Variants in PDZD2 observed in about 807,000 individuals in gnomAD.
The protein encoded by PDZD2 is PDZ domain-containing protein 2.
PDZD2 carries 90 observed loss-of-function variants against 220.7 expected under a neutral mutation model. The observed-to-expected ratio is 0.41, with a 90% CI of 0.34 to 0.49. PDZD2 has a LOEUF of 0.49. PDZD2 is among the 20% of genes least tolerant of loss of function. The pLI is 0.28. For missense variants in PDZD2, 3,174 were observed against 3,608.5 expected (o/e 0.88, Z 3.08); for synonymous variants, 1,375 against 1,450.5 (o/e 0.95, Z 1.18).
intron 2 of PDZD2, among the ~76,000 whole-genome samples, chr5:31,970,605 G>A (rs1283543106): frequency 2.0e-5 from 3 of 151,802 alleles, no homozygotes; most frequent in Non-Finnish European, 2.9e-5. Context: ...GCAGTGAGCC[G>A]ATATCACGCC....
chr5:31,689,353 ATTTT>A (rs1160111594), intron 1 of PDZD2, among the ~76,000 whole-genome samples: 6 of 35,116 alleles, frequency 1.7e-4, no homozygotes, highest in South Asian at 2.1e-3. Context: ...ATATATATAT[ATTTT>A]TTTTTTTTTT....
At chr5:31,986,383 T>A (rs1027622749) in intron 3 of PDZD2, among the ~76,000 whole-genome samples, 1 of 152,158 alleles carries the variant, frequency 6.6e-6, no homozygotes, top group African/African-American at 2.4e-5. Flanking sequence ...CCACACATTT[T>A]CTCAGCCTCG....
At chr5:31,970,870 A>G (rs1362337295) in intron 2 of PDZD2, among the ~76,000 whole-genome samples, 2 of 152,282 alleles carry the variant, frequency 1.3e-5, no homozygotes, top group East Asian at 1.9e-4. Flanking sequence ...CACCATCAAC[A>G]TGCTGACACT....
Position 31,935,509 on chromosome 5 carries a change from G to A in PDZD2, c.477-47646G>A, listed in dbSNP as rs904196127. On this transcript the variant is annotated intron_variant, in intron 2 of 24. Coordinates refer to ENST00000438447, the MANE Select transcript of PDZD2 (RefSeq NM_178140.4). ...GTTTTGCTAGTACTTGTCTACAATG[G>A]AAGTTGGAAGCTTAGTCGGAGTAGA... is the stretch of plus-strand genomic sequence containing the variant. Among the ~76,000 whole-genome samples, 5 of 152,174 alleles carry A rather than the reference G, an allele frequency of 3.3e-5. No individual in the cohort carries two copies. In the East Asian group the frequency reaches 5.8e-4, roughly 18 times the overall value.
At chr5:31,953,522 A>C (rs923043233) in intron 2 of PDZD2, among the ~76,000 whole-genome samples, 4 of 152,182 alleles carry the variant, frequency 2.6e-5, no homozygotes, top group Non-Finnish European at 5.9e-5. Context: ...ATCACAAAAA[A>C]TAAAAGTTGA....
chr5:31,694,402 C>CAAACAAAAA (rs143583191), intron 1 of PDZD2, among the ~76,000 whole-genome samples: 3,333 of 151,558 alleles, frequency 0.022, 128 homozygotes, highest in African/African-American at 0.077. Context: ...AAAAAACAAA[C>CAAACAAAAA]AAAAAAACAA....
At chr5:31,653,334 C>T (rs1561364653) in intron 1 of PDZD2, among the ~76,000 whole-genome samples, 2 of 151,856 alleles carry the variant, frequency 1.3e-5, no homozygotes, top group Non-Finnish European at 2.9e-5. Flanking sequence ...TAGTGCAGTG[C>T]GTGTACTATA....
chr5:31,744,479 C>T (rs552672204), intron 1 of PDZD2: 25 of 151,684 alleles, frequency 1.6e-4, no homozygotes, highest in Non-Finnish European at 2.4e-4. Context: ...AAAAAGAAAA[C>T]GAGTTGTTTA....
At chr5:32,039,914 T>C (rs1755909758) in intron 7 of PDZD2, among the ~76,000 whole-genome samples, 1 of 135,370 alleles carries the variant, frequency 7.4e-6, no homozygotes, top group Non-Finnish European at 1.6e-5. Flanking sequence ...CGGCCCCATC[T>C]GGGAGGAAGT....
At chr5:31,951,548 T>A (rs983309923) in intron 2 of PDZD2, among the ~76,000 whole-genome samples, 1 of 152,248 alleles carries the variant, frequency 6.6e-6, no homozygotes, top group Non-Finnish European at 1.5e-5. Context: ...TGTAGCTATT[T>A]GAATCTTCTT....
At chr5:32,060,671 T>G (rs1463409447) in intron 13 of PDZD2, among the ~76,000 whole-genome samples, 3 of 152,172 alleles carry the variant, frequency 2.0e-5, no homozygotes, top group Non-Finnish European at 4.4e-5. Flanking sequence ...ACTCAAAGCT[T>G]TGTTATACAG....
rs574319500 is a variant in PDZD2 at position 31,965,464 on chromosome 5, C to T, written c.477-17691C>T. ...GATATGTTGCCAGGCACGTGTGGGG[C>T]AAGGGCAAGAAGACAACAGTGAGAA... On this transcript the variant is annotated intron_variant, in intron 2 of 24. Coordinates refer to ENST00000438447, the MANE Select transcript of PDZD2 (RefSeq NM_178140.4). Among the ~76,000 whole-genome samples, 6 of 152,326 alleles carry T rather than the reference C, an allele frequency of 3.9e-5. No individual in the cohort carries two copies. The South Asian group carries it at 1.2e-3, about 32-fold the overall frequency.
intron 6 of PDZD2, among the ~76,000 whole-genome samples, chr5:32,019,159 T>TG (rs1055801286): frequency 3.6e-5 from 5 of 138,662 alleles, no homozygotes; most frequent in African/African-American, 1.3e-4. Flanking sequence ...TTTTTTTTTT[T>TG]GAGACAGGGT....
rs1554059631 is a variant in PDZD2 at position 31,652,174 on chromosome 5, T to TGTTTGTTC, written c.-361+12737_-361+12738insGTTTGTTC. Among the ~76,000 whole-genome samples, 34 of 147,952 alleles carry TGTTTGTTC rather than the reference T, an allele frequency of 2.3e-4. No homozygotes were observed. In the East Asian group the frequency reaches 5.9e-3, roughly 26 times the overall value. On this transcript the variant is annotated intron_variant, in intron 1 of 24. Coordinates refer to ENST00000438447, the MANE Select transcript of PDZD2 (RefSeq NM_178140.4). ...TTGTTTGTTTGTTTGTTTGTTTGTTTTAGAGACAGTGTCTTGCCATGTTAC... is the reference window on the plus strand; with the variant it reads ...TTGTTTGTTTGTTTGTTTGTTTGTTTGTTTGTTCTAGAGACAGTGTCTTGCCATGTTAC...
Position 32,087,619 on chromosome 5 carries a change from C to T in PDZD2, c.4171C>T (p.Gln1391Ter). 1 of 1,614,148 alleles carries T rather than the reference C, an allele frequency of 6.2e-7. No homozygotes were observed. The highest frequency in any genetic ancestry group is 8.5e-7 in the Non-Finnish European group (1 of 1,180,018). ...AGATTCTGTGTCCTCAAGGGCACCG[C>T]AGGCCAGCCTCTCCATGCTGCCATC... is the stretch of plus-strand genomic sequence containing the variant. Reference protein sequence around the residue: ...GADSVSSRAPQASLSMLPSTD... With the variant: ...GADSVSSRAP The change falls in exon 20 of 25, where the codon CAG (glutamine) becomes TAG (stop). Residue 1391 changes from glutamine (Q) to a stop codon, truncating the protein, a stop_gained. Coordinates refer to ENST00000438447, the MANE Select transcript of PDZD2 (RefSeq NM_178140.4). LOFTEE classifies it high-confidence loss of function. The surrounding 1 kb of genome is among the most constrained non-coding windows in gnomAD (Gnocchi z 4.0).
chr5:31,978,504 G>A (rs961426090), intron 2 of PDZD2, among the ~76,000 whole-genome samples: 2 of 152,104 alleles, frequency 1.3e-5, no homozygotes, highest in Non-Finnish European at 2.9e-5. Flanking sequence ...CGGATCACGA[G>A]GTCAGGAGAT....
chr5:31,873,816 C>T (rs1416915980), intron 2 of PDZD2, among the ~76,000 whole-genome samples: 1 of 150,714 alleles, frequency 6.6e-6, no homozygotes, highest in Non-Finnish European at 1.5e-5. Flanking sequence ...CGGCAACCTC[C>T]ACCTCCCAGG....
chr5:31,687,640 T>C (rs1474141529), intron 1 of PDZD2, among the ~76,000 whole-genome samples: 1 of 152,192 alleles, frequency 6.6e-6, no homozygotes, highest in Admixed American at 6.5e-5. Flanking sequence ...CAAAATACCA[T>C]AGACTGAGTG....
intron 2 of PDZD2, among the ~76,000 whole-genome samples, chr5:31,912,538 G>A (rs561707376): frequency 6.6e-6 from 1 of 152,266 alleles, no homozygotes; most frequent in East Asian, 1.9e-4. Context: ...GTGCTTTGGT[G>A]GATACAGACT....
Sources: allele counts gnomAD v4.1 joint callset (sites outside exome capture counted in the v4.1 genomes callset), GRCh38; gene constraint gnomAD v4.1.1; non-coding constraint Gnocchi (gnomAD v3.1); transcripts MANE v1.5; gene names NCBI Gene and HGNC (gene_info 2026-07-23, HGNC 2026-07-21).